The following ANXA13 variants were observed in gnomAD, a reference collection of about 807,000 sequenced individuals.
ANXA13 encodes the protein annexin XIII.
A neutral mutation model predicts 46.6 loss-of-function variants in ANXA13; 36 were observed. That is an observed-to-expected ratio of 0.77 (90% CI 0.59 to 1.02). The LOEUF is 1.02. Among genes scored for constraint, ANXA13 ranks in the 50% least tolerant of loss-of-function variants. The pLI is 0.00. For missense variants in ANXA13, 417 were observed against 396.5 expected (o/e 1.05, Z -0.44); for synonymous variants, 163 against 152.9 (o/e 1.07, Z -0.49).
At position 123,681,371 on chromosome 8, in the gene ANXA13, A is replaced by G. The variant is rs1813034414; in HGVS notation, c.832-12T>C. The G allele has an allele frequency of 6.2e-7, 1 of 1,611,904 alleles. No homozygotes were observed. The highest frequency in any genetic ancestry group is 8.5e-7 in the Non-Finnish European group (1 of 1,178,918). ...CCCTGAAGGTCCACCTGTAGAAAAA[A>G]TAACAGCAATGGAGATAAGAACGTT... On this transcript the variant is annotated splice_polypyrimidine_tract_variant and intron_variant, in intron 10 of 10. Coordinates refer to ENST00000419625, the MANE Select transcript of ANXA13 (RefSeq NM_004306.4).
chr8:123,702,774 A>G lies in ANXA13; in HGVS notation c.92-38T>C, dbSNP rs774358682. On this transcript the variant is annotated intron_variant, in intron 2 of 10. Coordinates refer to ENST00000419625, the MANE Select transcript of ANXA13 (RefSeq NM_004306.4). Reference sequence around the variant, plus strand: ...AGAAACAAACAAAGCCACAGTGAATAAGAAACAAGGTGGAAGTTTATTTTA... The same window carrying G: ...AGAAACAAACAAAGCCACAGTGAATGAGAAACAAGGTGGAAGTTTATTTTA... 5 of 1,569,854 alleles carry G rather than the reference A, an allele frequency of 3.2e-6. No homozygotes were observed. The East Asian group carries it at 9.0e-5, about 28-fold the overall frequency.
intron 1 of ANXA13, chr8:123,736,016 C>T (rs1354321482): frequency 2.4e-6 from 2 of 832,896 alleles, no homozygotes; most frequent in Non-Finnish European, 3.3e-6. Context: ...GGGTCCTCTG[C>T]ATCTATCAGA....
In ANXA13 at chr8:123,732,228, A is replaced by T. The variant is rs79858854; in HGVS notation, c.15+5092T>A. Among the ~76,000 whole-genome samples, 90 of 152,282 alleles carry T rather than the reference A, an allele frequency of 5.9e-4. No homozygotes were observed. The East Asian group carries it at 0.01, about 17-fold the overall frequency. On this transcript the variant is annotated intron_variant, in intron 1 of 10. Coordinates refer to ENST00000419625, the MANE Select transcript of ANXA13 (RefSeq NM_004306.4). Reference sequence around the variant, plus strand: ...AAACTCTCTTTGCCTTACTTTCCCCATATTTAAAAGGGGACTAATAATAGT... The same window carrying T: ...AAACTCTCTTTGCCTTACTTTCCCCTTATTTAAAAGGGGACTAATAATAGT...
chr8:123,735,474 A>T (rs1268282572), intron 1 of ANXA13, among the ~76,000 whole-genome samples: 1 of 152,166 alleles, frequency 6.6e-6, no homozygotes, highest in Non-Finnish European at 1.5e-5. Flanking sequence ...CTGAAATGTC[A>T]TAGTGGTCCT....
At chr8:123,701,378 G>A (rs1464333035) in intron 3 of ANXA13, among the ~76,000 whole-genome samples, 1 of 152,128 alleles carries the variant, frequency 6.6e-6, no homozygotes, top group African/African-American at 2.4e-5. Flanking sequence ...GCTGAGGCAG[G>A]AGAATCGCTT....
chr8:123,719,903 G>A (rs1475470027), intron 1 of ANXA13, among the ~76,000 whole-genome samples: 1 of 152,192 alleles, frequency 6.6e-6, no homozygotes, highest in Non-Finnish European at 1.5e-5. Context: ...TGTGCATGGG[G>A]TGGTGTGCGG....
intron 1 of ANXA13, among the ~76,000 whole-genome samples, chr8:123,734,452 G>A (rs13276451): frequency 0.56 from 85,636 of 151,882 alleles, 24,535 homozygotes; most frequent in East Asian, 0.75. Flanking sequence ...TGATTTGGCG[G>A]ATGATAATGA....
chr8:123,726,429 C>T (rs1286301764), intron 1 of ANXA13, among the ~76,000 whole-genome samples: 1 of 152,214 alleles, frequency 6.6e-6, no homozygotes, highest in Admixed American at 6.5e-5. Context: ...TGATGGTATC[C>T]TCAGGAGTGT....
intron 1 of ANXA13, among the ~76,000 whole-genome samples, chr8:123,715,592 G>C (rs938270041): frequency 6.6e-6 from 1 of 152,248 alleles, no homozygotes; most frequent in African/African-American, 2.4e-5. Context: ...GCAAATGGCT[G>C]TGTGGGTTAT....
At chr8:123,702,606 G>A in intron 3 of ANXA13, 36 bp downstream of exon 3, 1 of 1,558,946 alleles carries the variant, frequency 6.4e-7, no homozygotes, top group Non-Finnish European at 8.9e-7. Flanking sequence ...TGAGGCCATG[G>A]CTGGGTGCAA....
chr8:123,725,792 G>T (rs765749868), intron 1 of ANXA13, among the ~76,000 whole-genome samples: 1 of 152,144 alleles, frequency 6.6e-6, no homozygotes, highest in Admixed American at 6.5e-5. Context: ...ATCTCACACC[G>T]ACTAAAAGCA....
chr8:123,735,734 G>A (rs1472156285), intron 1 of ANXA13: 4 of 1,603,596 alleles, frequency 2.5e-6, no homozygotes. Context: ...CTATGATTTG[G>A]GGGGAAAATA....
intron 1 of ANXA13, among the ~76,000 whole-genome samples, chr8:123,716,785 A>T (rs536843889): frequency 6.6e-6 from 1 of 152,192 alleles, no homozygotes; most frequent in East Asian, 1.9e-4. Flanking sequence ...TGTTAATAGG[A>T]TAGACAGCTG....
At position 123,681,337 on chromosome 8, in the gene ANXA13, G is replaced by A. The variant is rs1377480706; in HGVS notation, c.854C>T (p.Ala285Val). 1.2e-5 allele frequency: 20 copies of A among 1,613,884 alleles called. No individual in the cohort carries two copies. The highest frequency in any genetic ancestry group is 1.7e-5 in the Non-Finnish European group (20 of 1,179,968). The change falls in exon 11 of 11, where the codon GCA becomes GTA. Residue 285 changes from alanine (A) to valine (V), a missense_variant. Ala to Val is a moderately conservative substitution (Grantham distance 64, BLOSUM62 0). Transcript: ENST00000419625. ...RAEVDLQGIK[A>V]KFQEKYQKSL... ...CTTCTGATACTTCTCTTGGAACTTTGCTTTGATCCCCTGAAGGTCCACCTG... is the reference window on the plus strand; with the variant it reads ...CTTCTGATACTTCTCTTGGAACTTTACTTTGATCCCCTGAAGGTCCACCTG...
At chr8:123,682,514 C>T (rs1054905029) in intron 10 of ANXA13, among the ~76,000 whole-genome samples, 2 of 152,220 alleles carry the variant, frequency 1.3e-5, no homozygotes, top group African/African-American at 4.8e-5. Flanking sequence ...ATTCTTTCTT[C>T]TCTTGCCCCA....
intron 1 of ANXA13, among the ~76,000 whole-genome samples, chr8:123,729,812 T>C (rs1814077396): frequency 6.6e-6 from 1 of 152,174 alleles, no homozygotes; most frequent in Non-Finnish European, 1.5e-5. Context: ...TCCTGTGGTG[T>C]GCTACTTTCG....
intron 1 of ANXA13, among the ~76,000 whole-genome samples, chr8:123,717,295 C>T (rs16898790): frequency 0.078 from 11,905 of 152,160 alleles, 1,501 homozygotes; most frequent in African/African-American, 0.27. Flanking sequence ...TTTTCAAATG[C>T]CAGAAAACAG....
chr8:123,702,120 TTAA>T (rs1451767881), intron 3 of ANXA13, among the ~76,000 whole-genome samples: 1 of 152,154 alleles, frequency 6.6e-6, no homozygotes, highest in Non-Finnish European at 1.5e-5. Flanking sequence ...TCATTACATA[TTAA>T]TAAAGAAATA....
chr8:123,709,546 T>A (rs905642815), intron 2 of ANXA13, among the ~76,000 whole-genome samples: 1 of 152,174 alleles, frequency 6.6e-6, no homozygotes, highest in Non-Finnish European at 1.5e-5. Flanking sequence ...ATTTTTGCAA[T>A]CAGACCTTGG....
Sources: allele counts gnomAD v4.1 joint callset (sites outside exome capture counted in the v4.1 genomes callset), GRCh38; gene constraint gnomAD v4.1.1; transcripts MANE v1.5; gene names NCBI Gene and HGNC (gene_info 2026-07-23, HGNC 2026-07-21).